Variants in SGSM1 observed in about 807,000 individuals in gnomAD.
The protein encoded by SGSM1 is small G protein signaling modulator 1, also known as RUN and TBC1 domain containing 2.
Under a neutral mutation model 133.8 loss-of-function variants are expected in SGSM1, and 73 were observed. The ratio of observed to expected loss-of-function variants is 0.55; its 90% confidence interval spans 0.45 to 0.66. The LOEUF (loss-of-function observed/expected upper bound fraction) is 0.66, where lower values mean the gene tolerates loss of function less well. SGSM1 is among the 30% of genes least tolerant of loss of function. The pLI, the probability that SGSM1 is intolerant of heterozygous loss-of-function variation, is 0.00. For synonymous variants in SGSM1, 563 were observed against 573.0 expected, an observed-to-expected ratio of 0.98 and a Z score of 0.25; for missense variants, 1,213 against 1,448.1, an observed-to-expected ratio of 0.84 and a Z score of 2.64.
intron 23 of SGSM1, 54 bp downstream of exon 23, chr22:24,917,808 AG>A: frequency 1.4e-6 from 2 of 1,476,436 alleles, no homozygotes; most frequent in South Asian, 2.4e-5. Flanking sequence ...CAGAACTTTC[AG>A]GGGAAAAGAT....
At chr22:24,816,236 G>A (rs900022133) in intron 2 of SGSM1, among the ~76,000 whole-genome samples, 1 of 152,228 alleles carries the variant, frequency 6.6e-6, no homozygotes, top group Non-Finnish European at 1.5e-5. Flanking sequence ...TTCATGCTCA[G>A]AGAGGCTAAG....
chr22:24,863,331 C>A (rs1476676249), intron 9 of SGSM1, among the ~76,000 whole-genome samples: 1 of 152,028 alleles, frequency 6.6e-6, no homozygotes, highest in Non-Finnish European at 1.5e-5. Flanking sequence ...TAATTCTTTT[C>A]TATTTTTAGT....
At chr22:24,868,142 G>A (rs1420166129) in intron 10 of SGSM1, among the ~76,000 whole-genome samples, 1 of 152,118 alleles carries the variant, frequency 6.6e-6, no homozygotes, top group East Asian at 1.9e-4. Flanking sequence ...AGGTCAACTC[G>A]GTTCTTCTTG....
chr22:24,923,355 CT>C (rs5844615), intron 24 of SGSM1, among the ~76,000 whole-genome samples: 31,914 of 151,900 alleles, frequency 0.21, 4,071 homozygotes, highest in East Asian at 0.55. Flanking sequence ...TAGTGTTTTT[CT>C]TTTTTTTCTT....
Position 24,897,961 on chromosome 22 carries a change from C to T in SGSM1, c.2023-11C>T. 1 of 1,575,996 alleles carries T rather than the reference C, an allele frequency of 6.3e-7. No homozygotes were observed. Among genetic ancestry groups the T allele is most frequent in the East Asian group, 2.3e-5 (1 of 43,060 alleles). ...TGCCGGTCCATCTGTTTTTGTGCAC[C>T]TTGTCCTCAGGTGTTTGAGTCTGTG... On this transcript the variant is annotated splice_polypyrimidine_tract_variant and intron_variant, in intron 18 of 24. Transcript: ENST00000400358.
chr22:24,821,724 T>G (rs1448989443), intron 2 of SGSM1, among the ~76,000 whole-genome samples: 7 of 152,112 alleles, frequency 4.6e-5, no homozygotes, highest in African/African-American at 1.7e-4. Context: ...GGACATTGCT[T>G]TCTTATTTTC....
chr22:24,884,982 T>C (rs553073100), intron 15 of SGSM1, among the ~76,000 whole-genome samples: 1 of 152,166 alleles, frequency 6.6e-6, no homozygotes, highest in Non-Finnish European at 1.5e-5. Flanking sequence ...GGAGTTTTGC[T>C]CTTGTTGCCC....
At chr22:24,904,079 A>T (rs1232595999) in intron 20 of SGSM1, among the ~76,000 whole-genome samples, 3 of 152,070 alleles carry the variant, frequency 2.0e-5, no homozygotes, top group Non-Finnish European at 4.4e-5. Flanking sequence ...TCCTAGGTTC[A>T]AGTACTGCCT....
intron 2 of SGSM1, among the ~76,000 whole-genome samples, chr22:24,811,326 G>T (rs979158640): frequency 6.6e-6 from 1 of 152,012 alleles, no homozygotes; most frequent in Non-Finnish European, 1.5e-5. Flanking sequence ...CACCTGCTGC[G>T]CCCTTCACTT....
chr22:24,880,981 A>C (rs535277779), intron 14 of SGSM1, among the ~76,000 whole-genome samples: 7 of 151,908 alleles, frequency 4.6e-5, no homozygotes, highest in Non-Finnish European at 1.0e-4. Flanking sequence ...GTCTGAGGTC[A>C]GGAGTTCGAG....
intron 12 of SGSM1, among the ~76,000 whole-genome samples, chr22:24,872,369 C>T (rs1431096461): frequency 6.6e-6 from 1 of 152,104 alleles, no homozygotes; most frequent in Non-Finnish European, 1.5e-5. Flanking sequence ...CTGAGATTGT[C>T]TCTGTACTGT....
At chr22:24,830,332 G>C (rs1929041591) in intron 2 of SGSM1, among the ~76,000 whole-genome samples, 1 of 152,170 alleles carries the variant, frequency 6.6e-6, no homozygotes, top group Admixed American at 6.5e-5. Context: ...CCCAGGTGCA[G>C]ATCCATTCCC....
intron 9 of SGSM1, among the ~76,000 whole-genome samples, chr22:24,864,117 T>C (rs1931315056): frequency 6.6e-6 from 1 of 152,134 alleles, no homozygotes; most frequent in Admixed American, 6.6e-5. Flanking sequence ...GGTATTCCAA[T>C]GTTAAAGAGA....
chr22:24,814,842 C>T (rs1428241701), intron 2 of SGSM1, among the ~76,000 whole-genome samples: 2 of 152,190 alleles, frequency 1.3e-5, no homozygotes, highest in Non-Finnish European at 2.9e-5. Flanking sequence ...TCCAAAGGGA[C>T]AAGCCCTCTA....
intron 23 of SGSM1, 26 bp from the exon 24 acceptor site, chr22:24,919,800 C>T: frequency 1.9e-6 from 3 of 1,612,978 alleles, no homozygotes; most frequent in Non-Finnish European, 2.5e-6. Flanking sequence ...CCAATTCTCT[C>T]CCCATGTGTG....
intron 24 of SGSM1, among the ~76,000 whole-genome samples, chr22:24,923,241 C>T (rs1934074531): frequency 6.6e-6 from 1 of 152,118 alleles, no homozygotes; most frequent in Non-Finnish European, 1.5e-5. Context: ...ATGGAGTATT[C>T]CCACGCTTCC....
intron 2 of SGSM1, among the ~76,000 whole-genome samples, chr22:24,824,148 G>A (rs1928656172): frequency 6.6e-6 from 1 of 152,138 alleles, no homozygotes; most frequent in East Asian, 1.9e-4. Flanking sequence ...GAGGGAATGC[G>A]GAGAGGGGCA....
Position 24,926,959 on chromosome 22 carries a change from A to G in SGSM1, c.*2685A>G, listed in dbSNP as rs1250534445. On this transcript the variant is annotated 3_prime_UTR_variant, in exon 25 of 25. Coordinates refer to ENST00000400358, the MANE Select transcript of SGSM1 (RefSeq NM_001098497.3). ...ACCCTATATGGGGTCAGATTTTTGT[A>G]ATAGCTGCCTGGCCTTTTCCCAGAA... The G allele has an allele frequency of 1.3e-5, 2 of 151,902 alleles. No homozygotes were observed. The highest frequency in any genetic ancestry group is 3.9e-4 in the East Asian group (2 of 5,180). 9.4% of individuals were successfully genotyped at this position (151,902 alleles called of 1,614,324 possible).
chr22:24,899,603 A>T (rs1463728282), intron 19 of SGSM1, among the ~76,000 whole-genome samples: 1 of 148,082 alleles, frequency 6.8e-6, no homozygotes, highest in Non-Finnish European at 1.5e-5. Context: ...GCTCACTGCA[A>T]CCTCTGCGTC....
Sources: allele counts gnomAD v4.1 joint callset (sites outside exome capture counted in the v4.1 genomes callset), GRCh38; gene constraint gnomAD v4.1.1; transcripts MANE v1.5; gene names NCBI Gene and HGNC (gene_info 2026-07-23, HGNC 2026-07-21).